PDE1A: variants seen among roughly 807,000 people sequenced by gnomAD.
PDE1A encodes dual specificity calcium/calmodulin-dependent 3',5'-cyclic nucleotide phosphodiesterase 1A.
Under a neutral mutation model 61.7 loss-of-function variants are expected in PDE1A, and 35 were observed. The observed-to-expected ratio is 0.57, with a 90% CI of 0.43 to 0.75. The LOEUF is 0.75. Among genes scored for constraint, PDE1A ranks in the 30% least tolerant of loss-of-function variants. The pLI, the probability that PDE1A is intolerant of heterozygous loss-of-function variation, is 0.00. For synonymous variants in PDE1A, 232 were observed against 213.2 expected, an observed-to-expected ratio of 1.09 and a Z score of -0.77; for missense variants, 597 against 630.6, an observed-to-expected ratio of 0.95 and a Z score of 0.57.
the PDE1A span, among the ~76,000 whole-genome samples, chr2:182,552,888 A>G: frequency 6.6e-6 from 1 of 151,974 alleles, no homozygotes; most frequent in African/African-American, 2.4e-5. Flanking sequence ...GCTCGAGCTG[A>G]GCTTTCGCTC....
At chr2:182,373,717 G>A (rs145389975) in intron 1 of PDE1A, among the ~76,000 whole-genome samples, 146 of 152,260 alleles carry the variant, frequency 9.6e-4, no homozygotes, top group African/African-American at 3.3e-3. Context: ...GACTAGTAAG[G>A]CTGAAAAATG....
chr2:182,290,197 T>TTG (rs1694435512), intron 1 of PDE1A, among the ~76,000 whole-genome samples: 1 of 152,142 alleles, frequency 6.6e-6, no homozygotes, highest in African/African-American at 2.4e-5. Context: ...ATAGCCTTTT[T>TTG]TGTCCATTAA....
At chr2:182,145,392 T>C (rs1466655976), downstream of PDE1A, among the ~76,000 whole-genome samples, 1 of 151,990 alleles carries the variant, frequency 6.6e-6, no homozygotes, top group Non-Finnish European at 1.5e-5. Context: ...AATCGTCTGC[T>C]CGGGCTTAAA....
the PDE1A span, among the ~76,000 whole-genome samples, chr2:182,706,663 T>C: frequency 6.6e-6 from 1 of 152,088 alleles, no homozygotes; most frequent in African/African-American, 2.4e-5. Flanking sequence ...AAAAGGCACA[T>C]GGCTTCCAAA....
chr2:182,394,208 G>A (rs913026366), intron 1 of PDE1A, among the ~76,000 whole-genome samples: 1 of 152,130 alleles, frequency 6.6e-6, no homozygotes, highest in Admixed American at 6.5e-5. Flanking sequence ...GAGGTTTAAT[G>A]GACTCACAGT....
the PDE1A span, among the ~76,000 whole-genome samples, chr2:182,626,923 G>A: frequency 3.0e-5 from 1 of 33,130 alleles, no homozygotes; most frequent in Non-Finnish European, 6.4e-5. Flanking sequence ...TTAGACTGTA[G>A]ATCCAATAAG....
chr2:182,626,762 C>T, the PDE1A span, among the ~76,000 whole-genome samples: 83 of 10,798 alleles, frequency 7.7e-3, 4 homozygotes, highest in South Asian at 0.018. Flanking sequence ...TATATATATA[C>T]ATATATATAC....
At chr2:182,680,923 TA>T in the PDE1A span, among the ~76,000 whole-genome samples, 2 of 152,220 alleles carry the variant, frequency 1.3e-5, no homozygotes, top group African/African-American at 4.8e-5. Context: ...CAATTACATG[TA>T]AATTAATGAG....
At chr2:182,331,548 G>A (rs1697410245) in intron 1 of PDE1A, among the ~76,000 whole-genome samples, 1 of 152,188 alleles carries the variant, frequency 6.6e-6, no homozygotes, top group Admixed American at 6.5e-5. Flanking sequence ...ACCTGGTGGT[G>A]ACAAAATCTC....
intron 13 of PDE1A, among the ~76,000 whole-genome samples, chr2:182,159,574 T>A: frequency 6.6e-6 from 1 of 152,236 alleles, no homozygotes; most frequent in Non-Finnish European, 1.5e-5. Flanking sequence ...ATCAAAATCA[T>A]CTTAAGCAAG....
intron 2 of PDE1A, among the ~76,000 whole-genome samples, chr2:182,453,272 G>T (rs937350286): frequency 6.6e-6 from 1 of 151,900 alleles, no homozygotes; most frequent in Non-Finnish European, 1.5e-5. Flanking sequence ...AAGCTGATAC[G>T]GTGATGAAAG....
intron 2 of PDE1A, among the ~76,000 whole-genome samples, chr2:182,513,463 A>C (rs1390223618): frequency 6.6e-6 from 1 of 152,226 alleles, no homozygotes; most frequent in African/African-American, 2.4e-5. Flanking sequence ...TAAACATAGC[A>C]ACAAAAAACT....
the PDE1A span, among the ~76,000 whole-genome samples, chr2:182,565,043 T>C: frequency 6.6e-6 from 1 of 152,214 alleles, no homozygotes; most frequent in Admixed American, 6.5e-5. Flanking sequence ...GAAGCCTTCT[T>C]CTCTCAACTC....
the PDE1A span, among the ~76,000 whole-genome samples, chr2:182,555,501 G>T: frequency 6.6e-6 from 1 of 152,140 alleles, no homozygotes; most frequent in African/African-American, 2.4e-5. Flanking sequence ...ATAGTGCAGT[G>T]AAAAACGTCA....
chr2:182,227,684 G>C (rs970174280), intron 6 of PDE1A, among the ~76,000 whole-genome samples: 1 of 152,172 alleles, frequency 6.6e-6, no homozygotes, highest in East Asian at 1.9e-4. Context: ...TTAGTGACAA[G>C]GGAAGCAATG....
intron 1 of PDE1A, among the ~76,000 whole-genome samples, chr2:182,305,990 T>C (rs1185704547): frequency 2.0e-5 from 3 of 152,150 alleles, no homozygotes; most frequent in Non-Finnish European, 4.4e-5. Flanking sequence ...AATTTATTTC[T>C]CTTATTTAAC....
chr2:182,695,459 A>C, the PDE1A span, among the ~76,000 whole-genome samples: 1,360 of 152,148 alleles, frequency 8.9e-3, 14 homozygotes, highest in South Asian at 0.054. Context: ...AGAGAATGAA[A>C]AGATAAGCCA....
At chr2:182,598,166 A>C in the PDE1A span, among the ~76,000 whole-genome samples, 1 of 152,332 alleles carries the variant, frequency 6.6e-6, no homozygotes, top group East Asian at 1.9e-4. Context: ...TTAAAATGGG[A>C]GTTTAATTTA....
chr2:182,339,976 C>T lies in PDE1A; in HGVS notation c.54-75562G>A, dbSNP rs186419413. Among the ~76,000 whole-genome samples the T allele has an allele frequency of 2.4e-3, 363 of 152,234 alleles. 2 individuals are homozygous for T. The highest frequency in any genetic ancestry group is 2.7e-3 in the Non-Finnish European group (181 of 68,014). On this transcript the variant is annotated intron_variant, in intron 1 of 13. Coordinates refer to ENST00000351439, the Ensembl canonical transcript of PDE1A. ...TTATTCTAGAGATGTAAATATGCCT[C>T]AGAATAATCCTGATAAAGCAAGCTC...
Sources: allele counts gnomAD v4.1 joint callset (sites outside exome capture counted in the v4.1 genomes callset), GRCh38; gene constraint gnomAD v4.1.1; transcripts MANE v1.5; gene names NCBI Gene and HGNC (gene_info 2026-07-23, HGNC 2026-07-21).